Variants in THSD7B observed in about 807,000 individuals in gnomAD.
The protein encoded by THSD7B is thrombospondin type-1 domain-containing protein 7B.
In THSD7B, 138 loss-of-function variants were observed where a neutral mutation model predicts 213.6. The observed-to-expected ratio is 0.65, with a 90% CI of 0.56 to 0.74. THSD7B has a LOEUF of 0.74. THSD7B is among the 30% of genes least tolerant of loss of function. The pLI, the probability that THSD7B is intolerant of heterozygous loss-of-function variation, is 0.00. For missense variants in THSD7B, 1,931 were observed against 1,991.5 expected (o/e 0.97, Z 0.58); for synonymous variants, 742 against 687.0 (o/e 1.08, Z -1.25).
intron 15 of THSD7B, among the ~76,000 whole-genome samples, chr2:137,476,416 C>T (rs971969659): frequency 1.3e-5 from 2 of 151,698 alleles, no homozygotes; most frequent in Non-Finnish European, 2.9e-5. Context: ...GAAGTGTTTT[C>T]CCTATCTTTT....
chr2:137,472,259 T>C (rs1456010509), intron 15 of THSD7B, among the ~76,000 whole-genome samples: 1 of 152,196 alleles, frequency 6.6e-6, no homozygotes, highest in Non-Finnish European at 1.5e-5. Context: ...CTAAAAAGCC[T>C]TTTAAGAAAG....
At chr2:137,514,915 A>G (rs1300514702) in intron 15 of THSD7B, among the ~76,000 whole-genome samples, 1 of 152,244 alleles carries the variant, frequency 6.6e-6, no homozygotes, top group Non-Finnish European at 1.5e-5. Flanking sequence ...GGACAAAGTG[A>G]TGAAAGAAAA....
intron 1 of THSD7B, among the ~76,000 whole-genome samples, chr2:136,766,178 G>T (rs747770544): frequency 6.6e-6 from 1 of 152,162 alleles, no homozygotes; most frequent in African/African-American, 2.4e-5. Context: ...TTCCTTTCCC[G>T]TAGCGCTGAC....
intron 12 of THSD7B, among the ~76,000 whole-genome samples, chr2:137,301,628 G>A (rs947323855): frequency 6.6e-6 from 1 of 151,838 alleles, no homozygotes; most frequent in Non-Finnish European, 1.5e-5. Context: ...AATATATTAT[G>A]TTGATCAAGG....
At chr2:137,309,101 A>G (rs896551758) in intron 12 of THSD7B, among the ~76,000 whole-genome samples, 2 of 152,044 alleles carry the variant, frequency 1.3e-5, no homozygotes, top group Non-Finnish European at 2.9e-5. Flanking sequence ...ATATCATTTT[A>G]TTTTTCAACA....
At chr2:137,317,973 G>A (rs1410349966) in intron 12 of THSD7B, among the ~76,000 whole-genome samples, 1 of 152,070 alleles carries the variant, frequency 6.6e-6, no homozygotes, top group Non-Finnish European at 1.5e-5. Flanking sequence ...TTTAGTTGCA[G>A]CTATTCCTGT....
At chr2:136,932,747 G>T (rs1228011411) in intron 2 of THSD7B, among the ~76,000 whole-genome samples, 1 of 152,100 alleles carries the variant, frequency 6.6e-6, no homozygotes, top group Non-Finnish European at 1.5e-5. Flanking sequence ...TCTCAGGGGT[G>T]GCAGACACAG....
At chr2:137,080,649 A>G (rs10182508) in intron 3 of THSD7B, among the ~76,000 whole-genome samples, 26,507 of 151,866 alleles carry the variant, frequency 0.17, 3,860 homozygotes, top group African/African-American at 0.4. Flanking sequence ...GTTTTAAATT[A>G]TTTCCACCTG....
chr2:137,106,382 T>C (rs1318766340), intron 4 of THSD7B, among the ~76,000 whole-genome samples: 1 of 152,186 alleles, frequency 6.6e-6, no homozygotes, highest in Admixed American at 6.5e-5. Flanking sequence ...TTACACCTTA[T>C]ACAAAAATTA....
intron 3 of THSD7B, among the ~76,000 whole-genome samples, chr2:137,086,821 T>A (rs891643314): frequency 6.6e-6 from 1 of 152,198 alleles, no homozygotes; most frequent in African/African-American, 2.4e-5. Flanking sequence ...TGGGAGCATG[T>A]TGAAAAGAAA....
At chr2:137,605,035 A>G (rs1682145681) in intron 17 of THSD7B, among the ~76,000 whole-genome samples, 1 of 152,168 alleles carries the variant, frequency 6.6e-6, no homozygotes, top group Non-Finnish European at 1.5e-5. Flanking sequence ...TTGACCTTCA[A>G]ATTAGCTAAT....
chr2:137,122,846 T>C (rs1487581203), intron 5 of THSD7B, among the ~76,000 whole-genome samples: 1 of 152,132 alleles, frequency 6.6e-6, no homozygotes, highest in Non-Finnish European at 1.5e-5. Flanking sequence ...GTATCTCTTC[T>C]GGGAGTTCTT....
At chr2:137,191,878 T>C (rs545576923) in intron 7 of THSD7B, among the ~76,000 whole-genome samples, 1 of 152,310 alleles carries the variant, frequency 6.6e-6, no homozygotes, top group Non-Finnish European at 1.5e-5. Flanking sequence ...CATTGTCTTT[T>C]TTATGGCTTC....
chr2:136,910,357 G>A (rs1467954355), intron 2 of THSD7B, among the ~76,000 whole-genome samples: 1 of 152,148 alleles, frequency 6.6e-6, no homozygotes, highest in Non-Finnish European at 1.5e-5. Flanking sequence ...GGAGCTTTTA[G>A]GAATGGGGGC....
chr2:137,554,804 C>G (rs1680922313), intron 15 of THSD7B, among the ~76,000 whole-genome samples: 1 of 152,208 alleles, frequency 6.6e-6, no homozygotes, highest in African/African-American at 2.4e-5. Context: ...CATAGCCAAA[C>G]AAATCTGTGA....
chr2:137,038,766 T>C (rs1686824255), intron 2 of THSD7B, among the ~76,000 whole-genome samples: 1 of 152,236 alleles, frequency 6.6e-6, no homozygotes, highest in Non-Finnish European at 1.5e-5. Context: ...TGGCTCTGCA[T>C]AGCAGGCTAT....
intron 2 of THSD7B, among the ~76,000 whole-genome samples, chr2:136,962,181 G>C (rs1446531586): frequency 2.0e-5 from 3 of 152,128 alleles, no homozygotes; most frequent in Non-Finnish European, 4.4e-5. Flanking sequence ...AGGAAGGCAA[G>C]AGACCTCTAC....
chr2:137,180,937 A>G (rs943017371), intron 7 of THSD7B, among the ~76,000 whole-genome samples: 2 of 152,188 alleles, frequency 1.3e-5, no homozygotes, highest in African/African-American at 4.8e-5. Context: ...CATGAAACCT[A>G]TTCCTAACCA....
At chr2:137,109,608 C>T (rs1001338605) in intron 4 of THSD7B, among the ~76,000 whole-genome samples, 5 of 152,036 alleles carry the variant, frequency 3.3e-5, no homozygotes, top group Admixed American at 6.5e-5. Flanking sequence ...TCATAAGGAG[C>T]GCGCAACCTA....
Sources: gnomAD v4.1 joint callset for allele counts (sites outside exome capture counted in the v4.1 genomes callset) on GRCh38, gnomAD v4.1.1 for gene constraint, MANE v1.5 for transcripts, NCBI Gene and HGNC (gene_info 2026-07-23, HGNC 2026-07-21) for gene names.